ANXA4: variants seen among roughly 807,000 people sequenced by gnomAD.
The protein encoded by ANXA4 is annexin A4, also known as 35-beta calcimedin.
A neutral mutation model predicts 49.8 loss-of-function variants in ANXA4; 39 were observed. That is an observed-to-expected ratio of 0.78 (90% CI 0.61 to 1.02). The LOEUF (loss-of-function observed/expected upper bound fraction) is 1.02. Among genes scored for constraint, ANXA4 ranks in the 50% least tolerant of loss-of-function variants. ANXA4 has a pLI of 0.00. For synonymous variants in ANXA4, 134 were observed against 152.5 expected, an observed-to-expected ratio of 0.88 and a Z score of 0.89; for missense variants, 360 against 410.1, an observed-to-expected ratio of 0.88 and a Z score of 1.05.
intron 2 of ANXA4, among the ~76,000 whole-genome samples, chr2:69,683,985 T>A (rs1230168621): frequency 6.6e-6 from 1 of 151,902 alleles, no homozygotes; most frequent in African/African-American, 2.4e-5. Context: ...ATAACAAGAG[T>A]TGATTGTTTT....
intron 1 of ANXA4, among the ~76,000 whole-genome samples, chr2:69,751,897 C>T (rs1324247884): frequency 4.6e-5 from 7 of 152,046 alleles, no homozygotes; most frequent in African/African-American, 9.7e-5. Context: ...ATGTAAGTGG[C>T]GGGCACTAGA....
At chr2:69,726,003 A>G (rs1355588904) in intron 3 of ANXA4, among the ~76,000 whole-genome samples, 1 of 152,182 alleles carries the variant, frequency 6.6e-6, no homozygotes, top group Non-Finnish European at 1.5e-5. Flanking sequence ...AGTGAGATCA[A>G]TTGTGTATTT....
chr2:69,742,202 C>T (rs988918708), intron 1 of ANXA4, 27 bp downstream of exon 1: 2 of 152,266 alleles, frequency 1.3e-5, no homozygotes, highest in Non-Finnish European at 2.9e-5. Flanking sequence ...GGCTCCGGGC[C>T]GGGGGTCCTG....
At chr2:69,756,615 G>C (rs1443042011) in intron 1 of ANXA4, among the ~76,000 whole-genome samples, 1 of 152,066 alleles carries the variant, frequency 6.6e-6, no homozygotes, top group East Asian at 1.9e-4. Context: ...ATAGCAAAAT[G>C]AACCAGACTT....
At chr2:69,741,671 G>T (rs72903043), upstream of ANXA4, among the ~76,000 whole-genome samples, 6,306 of 152,346 alleles carry the variant, frequency 0.041, 430 homozygotes, top group African/African-American at 0.14. Flanking sequence ...TTCCCGAGGT[G>T]GGGGGAAGCG....
At chr2:69,677,777 A>C (rs942535087) in intron 2 of ANXA4, among the ~76,000 whole-genome samples, 1 of 152,114 alleles carries the variant, frequency 6.6e-6, no homozygotes, top group Non-Finnish European at 1.5e-5. Context: ...GAAGCAGGTG[A>C]TAGAAAATGG....
intron 1 of ANXA4, among the ~76,000 whole-genome samples, chr2:69,751,628 A>G (rs1383605842): frequency 3.3e-5 from 5 of 152,134 alleles, no homozygotes; most frequent in Admixed American, 1.3e-4. Context: ...AGTCCAAACC[A>G]CTTGTCCAAG....
At chr2:69,784,323 A>G (rs1279251595) in intron 2 of ANXA4, among the ~76,000 whole-genome samples, 5 of 152,226 alleles carry the variant, frequency 3.3e-5, no homozygotes, top group Non-Finnish European at 5.9e-5. Context: ...TCCTCTATCG[A>G]TTCACCTTGT....
intron 8 of ANXA4, among the ~76,000 whole-genome samples, chr2:69,813,249 ATTT>A (rs34973123): frequency 7.0e-6 from 1 of 142,756 alleles, no homozygotes; most frequent in Non-Finnish European, 1.5e-5. Context: ...CTGTTCTAAA[ATTT>A]TTTTTTTTTT....
chr2:69,784,322 G>A (rs1052946202), intron 2 of ANXA4, among the ~76,000 whole-genome samples: 7 of 152,150 alleles, frequency 4.6e-5, no homozygotes, highest in South Asian at 4.1e-4. Context: ...TTCCTCTATC[G>A]ATTCACCTTG....
At chr2:69,691,785 A>G (rs926954966) in intron 2 of ANXA4, among the ~76,000 whole-genome samples, 3 of 152,220 alleles carry the variant, frequency 2.0e-5, no homozygotes, top group Non-Finnish European at 4.4e-5. Context: ...AGCAGCTGGC[A>G]GGACTAGAGC....
chr2:69,644,570 G>C (rs1448164820), exon 1 of ANXA4: 1 of 152,202 alleles, frequency 6.6e-6, no homozygotes, highest in Non-Finnish European at 1.5e-5. Flanking sequence ...AAATGTACAG[G>C]CGAGATTCAA....
At chr2:69,802,977 G>T (rs926342632) in intron 3 of ANXA4, among the ~76,000 whole-genome samples, 1 of 151,838 alleles carries the variant, frequency 6.6e-6, no homozygotes, top group African/African-American at 2.4e-5. Flanking sequence ...CAGGTGGATC[G>T]CCTGAGGTCA....
At chr2:69,678,721 A>T (rs1677494776) in intron 2 of ANXA4, among the ~76,000 whole-genome samples, 1 of 152,088 alleles carries the variant, frequency 6.6e-6, no homozygotes, top group Non-Finnish European at 1.5e-5. Flanking sequence ...TCTACTTTCA[A>T]CAGAAATATA....
At position 69,747,396 on chromosome 2, in the gene ANXA4, A is replaced by T. The variant is rs146396529; in HGVS notation, c.-47+5221A>T. On this transcript the variant is annotated intron_variant, in intron 1 of 12. Coordinates refer to ENST00000394295, the MANE Select transcript of ANXA4 (RefSeq NM_001153.5). ...CCAGCATCTTCTCTCTTACTCCTCT[A>T]CAGGGGACTTAGGAAAACATTTTCT... 1.1e-4 allele frequency among the ~76,000 whole-genome samples: 17 copies of T among 152,208 alleles called. No individual in the cohort carries two copies. The East Asian group carries it at 2.7e-3, about 24-fold the overall frequency.
At chr2:69,783,338 C>T (rs1672279812) in intron 2 of ANXA4, among the ~76,000 whole-genome samples, 1 of 152,148 alleles carries the variant, frequency 6.6e-6, no homozygotes, top group South Asian at 2.1e-4. Context: ...GCCTCAGCCT[C>T]CTGAGTAGCT....
chr2:69,689,366 A>C (rs1416002359), intron 2 of ANXA4, among the ~76,000 whole-genome samples: 1 of 152,110 alleles, frequency 6.6e-6, no homozygotes, highest in Non-Finnish European at 1.5e-5. Flanking sequence ...GGGATTACAG[A>C]CATGAGCCAC....
chr2:69,765,031 T>C (rs974975419), intron 1 of ANXA4, among the ~76,000 whole-genome samples: 2 of 152,166 alleles, frequency 1.3e-5, no homozygotes, highest in African/African-American at 2.4e-5. Context: ...CTCTGTAAGG[T>C]TGAATAATAT....
chr2:69,726,808 T>A lies in ANXA4; in HGVS notation n.864+5937T>A, dbSNP rs72901493. ...TTAACATCCACGTTGTTGTGTGTACTTGTAGTTTGATATTTCTCTTGCTGT... is the reference window on the plus strand; with the variant it reads ...TTAACATCCACGTTGTTGTGTGTACATGTAGTTTGATATTTCTCTTGCTGT... On this transcript the variant is annotated intron_variant and non_coding_transcript_variant, in intron 3 of 3. Coordinates refer to the ANXA4 transcript ENST00000418066. Among the ~76,000 whole-genome samples, 1,189 of 152,338 alleles carry A rather than the reference T, an allele frequency of 7.8e-3. 16 individuals are homozygous for A. Among genetic ancestry groups the A allele is most frequent in the African/African-American group, 0.027 (1,102 of 41,578 alleles).
Sources: allele counts gnomAD v4.1 joint callset (sites outside exome capture counted in the v4.1 genomes callset), GRCh38; gene constraint gnomAD v4.1.1; transcripts MANE v1.5; gene names NCBI Gene and HGNC (gene_info 2026-07-23, HGNC 2026-07-21).